The following SGCZ variants were observed in gnomAD, a reference collection of about 807,000 sequenced individuals.
SGCZ encodes sarcoglycan zeta, also known as zeta-sarcoglycan.
A neutral mutation model predicts 41.3 loss-of-function variants in SGCZ; 40 were observed. The observed-to-expected ratio is 0.97, with a 90% CI of 0.75 to 1.26. The LOEUF (loss-of-function observed/expected upper bound fraction) is 1.26, where lower values mean the gene tolerates loss of function less well. SGCZ is among the 50% of genes most tolerant of loss of function. The probability of loss-of-function intolerance (pLI) is 0.00; values close to 1 mark genes in which losing one functional copy is unlikely to be tolerated. For synonymous variants in SGCZ, 206 were observed against 137.5 expected, an observed-to-expected ratio of 1.50 and a Z score of -3.49; for missense variants, 552 against 369.8, an observed-to-expected ratio of 1.49 and a Z score of -4.04.
intron 1 of SGCZ, among the ~76,000 whole-genome samples, chr8:15,003,698 C>A (rs960988855): frequency 2.3e-4 from 35 of 152,038 alleles, no homozygotes; most frequent in African/African-American, 8.2e-4. Context: ...TATAAAGATC[C>A]AACTGGAAAT....
chr8:14,242,143 A>G (rs983471346), intron 3 of SGCZ, among the ~76,000 whole-genome samples: 1 of 152,170 alleles, frequency 6.6e-6, no homozygotes, highest in East Asian at 1.9e-4. Context: ...GGTGTGACAG[A>G]TATTTCCTTA....
At chr8:14,554,059 G>C (rs1431155223) in intron 2 of SGCZ, among the ~76,000 whole-genome samples, 1 of 152,052 alleles carries the variant, frequency 6.6e-6, no homozygotes. Context: ...CATGCTCATA[G>C]ATTTATTATA....
chr8:14,653,684 T>A (rs1807473108), intron 1 of SGCZ, among the ~76,000 whole-genome samples: 1 of 152,014 alleles, frequency 6.6e-6, no homozygotes, highest in East Asian at 1.9e-4. Context: ...CTCATTCCTG[T>A]CCCTGAAGTG....
chr8:14,679,276 AT>A (rs922902245), intron 1 of SGCZ, among the ~76,000 whole-genome samples: 5 of 151,794 alleles, frequency 3.3e-5, no homozygotes, highest in South Asian at 2.1e-4. Context: ...TTGCATACAT[AT>A]TTTTTTTAAA....
At position 14,770,569 on chromosome 8, in the gene SGCZ, G is replaced by C. The variant is rs532971774; in HGVS notation, c.40-215643C>G. ...CATAAAATATCTTAAATATTATAAA[G>C]TATACATATATGGTGTTTTTATGTT... On this transcript the variant is annotated intron_variant, in intron 1 of 7. Coordinates refer to ENST00000382080, the MANE Select transcript of SGCZ (RefSeq NM_139167.4). 1.1e-4 allele frequency among the ~76,000 whole-genome samples: 17 copies of C among 151,994 alleles called. No individual in the cohort carries two copies. In the South Asian group the frequency reaches 3.3e-3, roughly 30 times the overall value.
Position 14,108,307 on chromosome 8 carries a change from A to G in SGCZ, c.548-72T>C, listed in dbSNP as rs373285218. On this transcript the variant is annotated intron_variant, in intron 5 of 7. Transcript: ENST00000382080. The stretch of plus-strand genomic sequence containing the variant: ...GTGGCTTTCATCTCTATGTTTATGC[A>G]TCAAATATTCTTCCAAAACAGAGAA... 2.7e-5 allele frequency: 36 copies of G among 1,344,582 alleles called. No individual in the cohort carries two copies. The African/African-American group carries it at 5.1e-4, about 19-fold the overall frequency. The allele number at this position is 1,344,582 out of a possible 1,614,324, so 83.3% of individuals were successfully genotyped here. A position where few individuals can be genotyped will look rare whatever the true frequency, so the allele number is the denominator to read the frequency against.
At chr8:15,130,308 G>A (rs757010695) in intron 1 of SGCZ, among the ~76,000 whole-genome samples, 6 of 152,222 alleles carry the variant, frequency 3.9e-5, no homozygotes, top group Middle Eastern at 3.4e-3. Context: ...GCCACTTGAC[G>A]GGAAGTAATC....
At chr8:14,528,110 A>G (rs1341746801) in intron 2 of SGCZ, among the ~76,000 whole-genome samples, 1 of 152,060 alleles carries the variant, frequency 6.6e-6, no homozygotes, top group Admixed American at 6.6e-5. Context: ...TGTACACATA[A>G]TACTTCTGTT....
In SGCZ at chr8:14,325,482, T is replaced by C. The variant is rs1000314277; in HGVS notation, c.235-1278A>G. 3.4e-5 allele frequency among the ~76,000 whole-genome samples: 5 copies of C among 148,064 alleles called. 1 individual carries two copies. The highest frequency in any genetic ancestry group is 2.7e-4 in the Admixed American group (4 of 14,744). On this transcript the variant is annotated intron_variant, in intron 2 of 7. Coordinates refer to ENST00000382080, the MANE Select transcript of SGCZ (RefSeq NM_139167.4). ...AATTGGTTATATATATATAAAATCA[T>C]ATATAATAGATTATATATAATCATA...
chr8:14,481,381 C>T (rs562562634), intron 2 of SGCZ, among the ~76,000 whole-genome samples: 4 of 152,114 alleles, frequency 2.6e-5, no homozygotes, highest in Non-Finnish European at 4.4e-5. Flanking sequence ...CACTGCCTCA[C>T]AATCAATGGG....
chr8:14,778,086 G>A (rs536690129), intron 1 of SGCZ, among the ~76,000 whole-genome samples: 2 of 151,878 alleles, frequency 1.3e-5, no homozygotes, highest in Non-Finnish European at 2.9e-5. Context: ...ATCATGCCTG[G>A]CTAATAATTT....
At chr8:15,212,684 T>G (rs1801271976) in intron 1 of SGCZ, among the ~76,000 whole-genome samples, 1 of 152,090 alleles carries the variant, frequency 6.6e-6, no homozygotes, top group Non-Finnish European at 1.5e-5. Context: ...TTTTGGCATC[T>G]TAGTTAATAG....
At chr8:14,912,730 T>C (rs1198182761) in intron 1 of SGCZ, among the ~76,000 whole-genome samples, 2 of 152,032 alleles carry the variant, frequency 1.3e-5, no homozygotes, top group Admixed American at 6.6e-5. Flanking sequence ...TTGGCGGAAA[T>C]TTGATGCACC....
chr8:14,577,047 C>T (rs1460687031), intron 1 of SGCZ, among the ~76,000 whole-genome samples: 1 of 152,166 alleles, frequency 6.6e-6, no homozygotes, highest in African/African-American at 2.4e-5. Flanking sequence ...CATTTCTTGA[C>T]TAAGATCTTT....
intron 1 of SGCZ, among the ~76,000 whole-genome samples, chr8:14,780,644 G>C (rs7812481): frequency 1.3e-5 from 2 of 151,852 alleles, no homozygotes; most frequent in Non-Finnish European, 2.9e-5. Flanking sequence ...TCTAAGAAGG[G>C]AGCTGATCAT....
At chr8:14,407,281 C>G (rs1480027015) in intron 2 of SGCZ, among the ~76,000 whole-genome samples, 3 of 151,926 alleles carry the variant, frequency 2.0e-5, no homozygotes, top group Admixed American at 1.3e-4. Context: ...GCTGGCCAGG[C>G]TGGTCACGAA....
chr8:14,234,604 T>C (rs1366732063), intron 4 of SGCZ, among the ~76,000 whole-genome samples: 2 of 151,994 alleles, frequency 1.3e-5, no homozygotes, highest in Non-Finnish European at 2.9e-5. Context: ...GTGTGCTAAT[T>C]TTTTTAATAT....
chr8:14,178,212 C>G (rs892671527), intron 4 of SGCZ, among the ~76,000 whole-genome samples: 1 of 152,032 alleles, frequency 6.6e-6, no homozygotes, highest in Non-Finnish European at 1.5e-5. Flanking sequence ...CCTTGGCCTC[C>G]CAAAGTGCTG....
intron 1 of SGCZ, among the ~76,000 whole-genome samples, chr8:14,663,516 C>T (rs1251874995): frequency 6.6e-6 from 1 of 152,080 alleles, no homozygotes; most frequent in Admixed American, 6.6e-5. Flanking sequence ...TCTAACCTCT[C>T]TGTGCATGCC....
Sources: allele counts gnomAD v4.1 joint callset (sites outside exome capture counted in the v4.1 genomes callset), GRCh38; gene constraint gnomAD v4.1.1; transcripts MANE v1.5; gene names NCBI Gene and HGNC (gene_info 2026-07-23, HGNC 2026-07-21).